Variants in TCOF1 observed in about 807,000 individuals in gnomAD.
TCOF1 encodes the protein treacle ribosome biogenesis factor 1.
In TCOF1, 33 loss-of-function variants were observed where a neutral mutation model predicts 149.0. The ratio of observed to expected loss-of-function variants is 0.22; its 90% CI spans 0.17 to 0.30. The LOEUF (loss-of-function observed/expected upper bound fraction) is 0.30. TCOF1 is among the 10% of genes least tolerant of loss of function. TCOF1 has a pLI of 1.00. For synonymous variants in TCOF1, 789 were observed against 738.8 expected, an observed-to-expected ratio of 1.07 and a Z score of -1.10; for missense variants, 1,728 against 1,840.7, an observed-to-expected ratio of 0.94 and a Z score of 1.12.
At chr5:150,382,420 A>T (rs577593371) in intron 17 of TCOF1, among the ~76,000 whole-genome samples, 1 of 152,266 alleles carries the variant, frequency 6.6e-6, no homozygotes, top group South Asian at 2.1e-4. Flanking sequence ...TGGAAATGAC[A>T]TGTACAAATC....
In TCOF1 at chr5:150,392,773, G is replaced by A; in HGVS notation, c.3586G>A (p.Val1196Met). 2.5e-6 allele frequency: 4 copies of A among 1,613,962 alleles called. No individual in the cohort carries two copies. The highest frequency in any genetic ancestry group is 3.3e-4 in the Middle Eastern group (2 of 6,062). The change falls in exon 22 of 27, where the codon GTG becomes ATG. Residue 1196 changes from valine to methionine, a missense_variant. Val to Met is a conservative substitution (Grantham distance 21). Around this residue, in one of 2 missense-constraint regions of TCOF1, gnomAD observed 1,696 missense variants for 1,765.4 expected, o/e 0.96. Coordinates refer to ENST00000643257, the MANE Select transcript of TCOF1 (RefSeq NM_001371623.1). ...ETAAESSEDDVVAPSQSLLSG... is the reference protein window; with the variant it reads ...ETAAESSEDDMVAPSQSLLSG... ...CGCAGCAGAGTCCAGCGAGGATGAT[G>A]TGGTGGCGCCATCCCAGGTAACTGC...
intron 14 of TCOF1, among the ~76,000 whole-genome samples, chr5:150,376,890 GC>G (rs1182911201): frequency 1.3e-5 from 2 of 152,228 alleles, no homozygotes; most frequent in African/African-American, 4.8e-5. Flanking sequence ...GCCAGGTGCT[GC>G]CCTTGTCTGG....
rs558530968 is a variant in TCOF1 at position 150,393,396 on chromosome 5, C to T, written c.3628C>T (p.Pro1210Ser). ...GTCTCTCCTCTCAGGTTATATGACC[C>T]CTGGACTAACCCCAGCCAATTCCCA... is the stretch of plus-strand genomic sequence containing the variant. Reference protein sequence around the residue: ...SQSLLSGYMTPGLTPANSQAS... With the variant: ...SQSLLSGYMTSGLTPANSQAS... Residue 1210 changes from proline to serine, a missense_variant, in exon 23 of 27, where the codon CCT becomes TCT. Around this residue, in one of 2 missense-constraint regions of TCOF1, gnomAD observed 1,696 missense variants for 1,765.4 expected, o/e 0.96. Coordinates refer to ENST00000643257, the MANE Select transcript of TCOF1 (RefSeq NM_001371623.1). 2.7e-4 allele frequency: 432 copies of T among 1,614,092 alleles called. 2 individuals are homozygous for T. The South Asian group carries it at 3.5e-3, about 13-fold the overall frequency.
At chr5:150,367,490 G>C (rs1266641993) in intron 3 of TCOF1, 1 of 341,186 alleles carries the variant, frequency 2.9e-6, no homozygotes, top group Non-Finnish European at 5.7e-6. Flanking sequence ...CTACAGTGTG[G>C]TGGCCTGTGT....
At chr5:150,378,432 T>C (rs1764303248) in intron 14 of TCOF1, among the ~76,000 whole-genome samples, 1 of 152,222 alleles carries the variant, frequency 6.6e-6, no homozygotes, top group African/African-American at 2.4e-5. Context: ...CCGTGGCTGC[T>C]TGAGCTCCAG....
Position 150,379,729 on chromosome 5 carries a change from C to A in TCOF1, c.2856C>A (p.Ala952=). 1.2e-6 allele frequency: 2 copies of A among 1,613,866 alleles called. No individual in the cohort carries two copies. The highest frequency in any genetic ancestry group is 1.7e-6 in the Non-Finnish European group (2 of 1,179,902). The change falls in exon 17 of 27, where the codon GCC becomes GCA. Residue 952 remains alanine, a synonymous_variant. Transcript: ENST00000643257. ...DGEAPAAVTS[A]QVIKPPLIFV... is the part of the protein sequence containing the mutation. ...AGGCACCGGCAGCTGTGACCTCTGC[C>A]CAGGTAAGACTTGCCAGGCCTCTGA...
In TCOF1 at chr5:150,395,819, C is replaced by G. The variant is rs1180836800; in HGVS notation, c.3785-463C>G. The stretch of plus-strand genomic sequence containing the variant: ...ATAGGAAGCCTTACTGTTCATCCAC[C>G]CCTCACGTTATAGACAGGGAAACCA... On this transcript the variant is annotated intron_variant, in intron 23 of 26. Transcript: ENST00000643257. Among the ~76,000 whole-genome samples the G allele has an allele frequency of 2.0e-5, 3 of 152,092 alleles. No homozygotes were observed. The East Asian group carries it at 5.8e-4, about 29-fold the overall frequency.
chr5:150,379,167 G>A lies in TCOF1; in HGVS notation c.2479-62G>A, dbSNP rs1420417118. Reference sequence around the variant, plus strand: ...CACCCACCCAGAGTTGTGCCATAGTGGGGAGTGGGACCTGAAAGGAATCAC... The same window carrying A: ...CACCCACCCAGAGTTGTGCCATAGTAGGGAGTGGGACCTGAAAGGAATCAC... On this transcript the variant is annotated intron_variant, in intron 15 of 26. Transcript: ENST00000643257. 3.1e-6 allele frequency: 5 copies of A among 1,613,938 alleles called. 1 individual carries two copies. The Admixed American group carries it at 8.3e-5, about 27-fold the overall frequency.
At chr5:150,358,234 G>T (rs1055451811) in intron 1 of TCOF1, among the ~76,000 whole-genome samples, 3 of 152,146 alleles carry the variant, frequency 2.0e-5, no homozygotes, top group Non-Finnish European at 4.4e-5. Flanking sequence ...TGCGAGTCTC[G>T]GGGGTGGATT....
At chr5:150,369,966 A>G (rs1276957692) in intron 6 of TCOF1, among the ~76,000 whole-genome samples, 2 of 152,184 alleles carry the variant, frequency 1.3e-5, no homozygotes, top group African/African-American at 2.4e-5. Flanking sequence ...CAGGGCCCAG[A>G]GGCAACAGTG....
At chr5:150,385,204 T>G in intron 17 of TCOF1, 1 of 615,654 alleles carries the variant, frequency 1.6e-6, no homozygotes, top group Non-Finnish European at 2.0e-6. Context: ...TTCTATTAGT[T>G]TGTCAAAGAC....
At position 150,399,869 on chromosome 5, in the gene TCOF1, A is replaced by G. The variant is rs1769422779; in HGVS notation, c.*82A>G. On this transcript the variant is annotated 3_prime_UTR_variant, in exon 27 of 27. Transcript: ENST00000643257. ...CTCTGACCTCCACCGACCTCTGCCC[A>G]CCATGGGTTGGAACTAAACTGTTAC... 7 of 152,410 alleles carry G rather than the reference A, an allele frequency of 4.6e-5. No homozygotes were observed. The highest frequency in any genetic ancestry group is 4.6e-4 in the Admixed American group (7 of 15,308). 9.4% of individuals were successfully genotyped at this position (152,410 alleles called of 1,614,324 possible).
chr5:150,398,631 T>C (rs1480436002), intron 25 of TCOF1, among the ~76,000 whole-genome samples, 180 bp downstream of exon 25: 1 of 152,006 alleles, frequency 6.6e-6, no homozygotes, highest in Admixed American at 6.5e-5. Flanking sequence ...ATGGAAGCCG[T>C]AGAAGTGGCC....
In TCOF1 at chr5:150,374,365, A is replaced by G. The variant is rs1365994845; in HGVS notation, c.1062A>G (p.Pro354=). The change falls in exon 8 of 27, where the codon CCA becomes CCG. Residue 354 remains proline (P), a synonymous_variant. Coordinates refer to ENST00000643257, the MANE Select transcript of TCOF1 (RefSeq NM_001371623.1). Reference sequence around the variant, plus strand: ...CATCTGACAGTGAGGAGGAGACGCCAGCTGCCAAGGCCCTGCTTCAGGTGA... The same window carrying G: ...CATCTGACAGTGAGGAGGAGACGCCGGCTGCCAAGGCCCTGCTTCAGGTGA... ...EESSDSEEET[P]AAKALLQAKA... The G allele has an allele frequency of 2.6e-6, 4 of 1,555,192 alleles. No individual in the cohort carries two copies. In the African/African-American group the frequency reaches 5.5e-5, roughly 21 times the overall value.
At chr5:150,397,054 G>A (rs1204690931) in intron 24 of TCOF1, among the ~76,000 whole-genome samples, 2 of 151,472 alleles carry the variant, frequency 1.3e-5, no homozygotes. Context: ...AGCTACATGG[G>A]AGGCTGAGGC....
intron 22 of TCOF1, 72 bp downstream of exon 22, chr5:150,392,862 C>T (rs549453968): frequency 5.2e-6 from 8 of 1,544,170 alleles, no homozygotes; most frequent in African/African-American, 4.1e-5. Context: ...CCTGTCTACC[C>T]GATCCCTCAG....
In TCOF1 at chr5:150,392,733, C is replaced by T. The variant is rs192773733; in HGVS notation, c.3546C>T (p.Thr1182=). 316 of 1,614,100 alleles carry T rather than the reference C, an allele frequency of 2.0e-4. No homozygotes were observed. The highest frequency in any genetic ancestry group is 2.5e-4 in the Non-Finnish European group (299 of 1,180,006). Residue 1182 remains threonine, a synonymous_variant, in exon 22 of 27, where the codon ACC becomes ACT. Coordinates refer to ENST00000643257, the MANE Select transcript of TCOF1 (RefSeq NM_001371623.1). ...GTCCCACCCCCTCCAGGACAGAGAC[C>T]CTGGTGGAGGAGACCGCAGCAGAGT... ...LVGPTPSRTE[T]LVEETAAESS...
chr5:150,364,468 C>G lies in TCOF1; in HGVS notation c.304+216C>G, dbSNP rs533832974. On this transcript the variant is annotated intron_variant, in intron 3 of 26. Coordinates refer to ENST00000643257, the MANE Select transcript of TCOF1 (RefSeq NM_001371623.1). ...GGGTGCAAGGCCGAACCAAAACAAC[C>G]AGATGGGCCCTTCCAGTCTCATTTG... Among the ~76,000 whole-genome samples, 4 of 152,318 alleles carry G rather than the reference C, an allele frequency of 2.6e-5. No homozygotes were observed. In the South Asian group the frequency reaches 6.2e-4, roughly 24 times the overall value.
chr5:150,373,700 C>A (rs1311602503), intron 7 of TCOF1, among the ~76,000 whole-genome samples: 1 of 152,196 alleles, frequency 6.6e-6, no homozygotes, highest in Non-Finnish European at 1.5e-5. Flanking sequence ...TCCCTCAGTC[C>A]CTTCCCCACT....
Sources: allele counts gnomAD v4.1 joint callset (sites outside exome capture counted in the v4.1 genomes callset), GRCh38; gene constraint gnomAD v4.1.1; regional missense constraint gnomAD v4.1.1; transcripts MANE v1.5; gene names NCBI Gene and HGNC (gene_info 2026-07-23, HGNC 2026-07-21).